Variants in ZDHHC8 observed in about 807,000 individuals in gnomAD.
ZDHHC8 encodes the protein zDHHC palmitoyltransferase 8.
Under a neutral mutation model 61.2 loss-of-function variants are expected in ZDHHC8, and 24 were observed. That is an observed-to-expected ratio of 0.39 (90% confidence interval 0.28 to 0.55). ZDHHC8 has a LOEUF of 0.55. ZDHHC8 is among the 20% of genes least tolerant of loss of function. ZDHHC8 has a pLI of 0.60. For synonymous variants in ZDHHC8, 523 were observed against 492.5 expected (o/e 1.06, Z -0.82); for missense variants, 935 against 1,102.1 (o/e 0.85, Z 2.15).
In ZDHHC8 at chr22:20,143,121, A is replaced by C. The variant is rs1161045350; in HGVS notation, c.1491A>C (p.Pro497=). 1 of 1,611,902 alleles carries C rather than the reference A, an allele frequency of 6.2e-7. No homozygotes were observed. The highest frequency in any genetic ancestry group is 1.7e-5 in the Admixed American group (1 of 60,008). The change falls in exon 10 of 11, where the codon CCA becomes CCC. Residue 497 remains proline (P), a synonymous_variant. Transcript: ENST00000334554. ...SPGGHACPAH[P]AVGVAGYHSP... ...GTGGCCACGCCTGCCCTGCCCACCC[A>C]GCAGTTGGCGTGGCCGGATACCACT...
chr22:20,145,116 C>A, intron 10 of ZDHHC8, 113 bp from the exon 11 acceptor site: 1 of 1,038,928 alleles, frequency 9.6e-7, no homozygotes, highest in Non-Finnish European at 1.3e-6. Context: ...CCCCACAACT[C>A]GGCTGCACTA....
chr22:20,141,022 T>G lies in ZDHHC8; in HGVS notation c.894+10T>G. Reference sequence around the variant, plus strand: ...CCTGGGCCGTAGCAAGGTGGGCGCCTGGGCTTAGGGATGGGCTGGCAGTCA... The same window carrying G: ...CCTGGGCCGTAGCAAGGTGGGCGCCGGGGCTTAGGGATGGGCTGGCAGTCA... On this transcript the variant is annotated intron_variant, in intron 7 of 10. Transcript: ENST00000334554. The G allele has an allele frequency of 6.2e-7, 1 of 1,610,178 alleles. No individual in the cohort carries two copies. The highest frequency in any genetic ancestry group is 8.5e-7 in the Non-Finnish European group (1 of 1,179,880).
Position 20,147,011 on chromosome 22 carries a change from C to T in ZDHHC8, c.*1611C>T, listed in dbSNP as rs1161469578. ...TTCTGCTTCTCTCTCACGGACGCCGCGGCCCGCAGGGGGCGGATTGGCACC... is the reference window on the plus strand; with the variant it reads ...TTCTGCTTCTCTCTCACGGACGCCGTGGCCCGCAGGGGGCGGATTGGCACC... On this transcript the variant is annotated 3_prime_UTR_variant, in exon 11 of 11. Coordinates refer to ENST00000334554, the MANE Select transcript of ZDHHC8 (RefSeq NM_013373.4). 6 of 1,401,730 alleles carry T rather than the reference C, an allele frequency of 4.3e-6. No individual in the cohort carries two copies. Among genetic ancestry groups the T allele is most frequent in the East Asian group, 2.9e-5 (1 of 33,910 alleles). 86.8% of individuals were successfully genotyped at this position (1,401,730 alleles called of 1,614,324 possible). A position where few individuals can be genotyped will look rare whatever the true frequency, so the allele number is the denominator to read the frequency against.
chr22:20,138,372 G>T (rs2050439119), intron 1 of ZDHHC8, among the ~76,000 whole-genome samples: 1 of 152,256 alleles, frequency 6.6e-6, no homozygotes, highest in African/African-American at 2.4e-5. Flanking sequence ...GTGGATTTAG[G>T]AACCCGCTGC....
At position 20,141,542 on chromosome 22, in the gene ZDHHC8, T is replaced by A; in HGVS notation, c.1125+12T>A. 1.2e-6 allele frequency: 2 copies of A among 1,602,512 alleles called. No homozygotes were observed. Among genetic ancestry groups the A allele is most frequent in the Non-Finnish European group, 1.7e-6 (2 of 1,174,914 alleles). ...GACCAGGCGAGCAGGTAAGGAGGCC[T>A]AGCCTGCCCCCTGGCAGGCCTCGTC... is the stretch of plus-strand genomic sequence containing the variant. On this transcript the variant is annotated intron_variant, in intron 9 of 10. Coordinates refer to ENST00000334554, the MANE Select transcript of ZDHHC8 (RefSeq NM_013373.4).
chr22:20,145,238 T>G lies in ZDHHC8; in HGVS notation c.2136T>G (p.Pro712=), dbSNP rs1446989319. 2 of 1,495,978 alleles carry G rather than the reference T, an allele frequency of 1.3e-6. No homozygotes were observed. The highest frequency in any genetic ancestry group is 4.7e-5 in the Admixed American group (2 of 42,740). 92.7% of individuals were successfully genotyped at this position (1,495,978 alleles called of 1,614,324 possible). The change falls in exon 11 of 11, where the codon CCT becomes CCG. Residue 712 remains proline, a synonymous_variant. Coordinates refer to ENST00000334554, the MANE Select transcript of ZDHHC8 (RefSeq NM_013373.4). ...GCTTGTTTTGATGCAGGGACCACCC[T>G]CAGCTGAAGACTCCCCCAAGTAAGC... is the stretch of plus-strand genomic sequence containing the variant. The part of the protein sequence containing the change: ...PPSLTVQRDH[P]QLKTPPSKLN...
At chr22:20,139,673 GC>G in intron 3 of ZDHHC8, 38 bp downstream of exon 3, 1 of 1,611,138 alleles carries the variant, frequency 6.2e-7, no homozygotes, top group Non-Finnish European at 8.5e-7. Flanking sequence ...CCAGCCCTGT[GC>G]CACATCCCTG....
At chr22:20,139,358 G>A (rs1339750677) in intron 2 of ZDHHC8, 43 bp downstream of exon 2, 1 of 1,607,984 alleles carries the variant, frequency 6.2e-7, no homozygotes, top group Non-Finnish European at 8.5e-7. Flanking sequence ...TTTCACTAGA[G>A]TGTGAGTGGC....
Position 20,146,145 on chromosome 22 carries a change from G to A in ZDHHC8, c.*745G>A. On this transcript the variant is annotated 3_prime_UTR_variant, in exon 11 of 11. Transcript: ENST00000334554. ...ATGCTCTTGTGGGAGGCGACGGGGG[G>A]GCAGGCGGGAGCAGGCACGGGGGTG... 1.0e-6 allele frequency: 1 copy of A among 985,666 alleles called. No homozygotes were observed. Among genetic ancestry groups the A allele is most frequent in the South Asian group, 4.7e-5 (1 of 21,292 alleles). The allele number at this position is 985,666 out of a possible 1,614,324, so 61.1% of individuals were successfully genotyped here.
chr22:20,139,521 G>A lies in ZDHHC8; in HGVS notation c.270G>A (p.Leu90=). ...AGGAGGACGACTTCCGGGCTCCGCT[G>A]TACAAGAACGTGGATGTGCGAGGTA... ...EDKEDDFRAP[L]YKNVDVRGIQ... Residue 90 remains leucine, a synonymous_variant, in exon 3 of 11, where the codon CTG becomes CTA. Transcript: ENST00000334554. 6.2e-7 allele frequency: 1 copy of A among 1,613,610 alleles called. No individual in the cohort carries two copies. Among genetic ancestry groups the A allele is most frequent in the Non-Finnish European group, 8.5e-7 (1 of 1,180,008 alleles).
chr22:20,138,223 T>C (rs2148004952), intron 1 of ZDHHC8, among the ~76,000 whole-genome samples: 1 of 152,352 alleles, frequency 6.6e-6, no homozygotes, highest in East Asian at 1.9e-4. Flanking sequence ...GCCCCCCGAC[T>C]ATGCAGAGGG....
intron 1 of ZDHHC8, among the ~76,000 whole-genome samples, chr22:20,133,661 G>A (rs928460546): frequency 4.6e-4 from 70 of 151,228 alleles, no homozygotes; most frequent in African/African-American, 1.2e-3. Flanking sequence ...CCCGTAAGGC[G>A]GAGTGAGCCG....
At chr22:20,134,618 G>A (rs574439636) in intron 1 of ZDHHC8, among the ~76,000 whole-genome samples, 22 of 152,366 alleles carry the variant, frequency 1.4e-4, no homozygotes, top group Middle Eastern at 6.8e-3. Context: ...ACCAGACAGT[G>A]AGTGGCCCCA....
In ZDHHC8 at chr22:20,145,409, T is replaced by C. The variant is rs371703620; in HGVS notation, c.*9T>C. The C allele has an allele frequency of 9.8e-5, 147 of 1,507,432 alleles. No individual in the cohort carries two copies. In the African/African-American group the frequency reaches 1.5e-3, roughly 16 times the overall value. 93.4% of individuals were successfully genotyped at this position (1,507,432 alleles called of 1,614,324 possible). A position where few individuals can be genotyped will look rare whatever the true frequency, so the allele number is the denominator to read the frequency against. ...ACGAGATCTCGGTGTGAGGACTGAC[T>C]GCCACACATCCGCCATGGTGCCACG... On this transcript the variant is annotated 3_prime_UTR_variant, in exon 11 of 11. Coordinates refer to ENST00000334554, the MANE Select transcript of ZDHHC8 (RefSeq NM_013373.4).
At position 20,132,667 on chromosome 22, in the gene ZDHHC8, C is replaced by T. The variant is rs151300527; in HGVS notation, c.104+616C>T. 3.7e-4 allele frequency among the ~76,000 whole-genome samples: 56 copies of T among 152,362 alleles called. No individual in the cohort carries two copies. In the East Asian group the frequency reaches 0.011, roughly 29 times the overall value. ...AGGGCCCGATGTTAGCACATCACCTCCGTGGGCTGGCCATGGTGCACACCA... is the reference window on the plus strand; with the variant it reads ...AGGGCCCGATGTTAGCACATCACCTTCGTGGGCTGGCCATGGTGCACACCA... On this transcript the variant is annotated intron_variant, in intron 1 of 10. Transcript: ENST00000334554.
In ZDHHC8 at chr22:20,141,320, C is replaced by T. The variant is rs775446136; in HGVS notation, c.998C>T (p.Pro333Leu). Residue 333 changes from proline to leucine, a missense_variant, in exon 8 of 11, where the codon CCG (proline) becomes CTG (leucine). Pro to Leu is a moderately conservative substitution (Grantham distance 98). Transcript: ENST00000334554. Reference protein sequence around the residue: ...AGTFSSDLQTPRPGSAESALS... With the variant: ...AGTFSSDLQTLRPGSAESALS... ...ACGTTCAGCAGTGACCTGCAGACCC[C>T]GCGCCCAGGCAGTGCTGGTGAGGTT... The T allele has an allele frequency of 1.2e-5, 19 of 1,612,406 alleles. No homozygotes were observed. Among genetic ancestry groups the T allele is most frequent in the East Asian group, 2.2e-5 (1 of 44,898 alleles).
intron 1 of ZDHHC8, among the ~76,000 whole-genome samples, chr22:20,135,026 G>A (rs539835247): frequency 2.6e-5 from 4 of 152,232 alleles, no homozygotes; most frequent in Admixed American, 2.6e-4. Context: ...CGACCTCCTG[G>A]GCGCAAGTGA....
Position 20,143,362 on chromosome 22 carries a change from G to A in ZDHHC8, c.1732G>A (p.Val578Ile), listed in dbSNP as rs145467798. ...CGACTCACTCTTCGGCGACTCAGGC[G>A]TCTATGACGCTCCCAGCTCCTACAG... ...QADSLFGDSGVYDAPSSYSLQ... is the reference protein window; with the variant it reads ...QADSLFGDSGIYDAPSSYSLQ... Residue 578 changes from valine (V) to isoleucine (I), a missense_variant, in exon 10 of 11, where the codon GTC becomes ATC. Physicochemically the swap from Val to Ile is conservative, Grantham distance 29 (BLOSUM62 3). Coordinates refer to ENST00000334554, the MANE Select transcript of ZDHHC8 (RefSeq NM_013373.4). 1,565 of 1,585,082 alleles carry A rather than the reference G, an allele frequency of 9.9e-4. No homozygotes were observed. Among genetic ancestry groups the A allele is most frequent in the Non-Finnish European group, 1.3e-3 (1,465 of 1,169,078 alleles).
rs1303027883 is a variant in ZDHHC8 at position 20,131,889 on chromosome 22, A to G, written c.-59A>G. ...AGCCCGCCCGCCCGACCCCGGCCCG[A>G]CCCCGGCCGGCCCTGCCCGCCCGGC... On this transcript the variant is annotated 5_prime_UTR_variant, in exon 1 of 11. Coordinates refer to ENST00000334554, the MANE Select transcript of ZDHHC8 (RefSeq NM_013373.4). The G allele has an allele frequency of 5.7e-6, 2 of 348,958 alleles. No individual in the cohort carries two copies. Among genetic ancestry groups the G allele is most frequent in the Non-Finnish European group, 8.0e-6 (2 of 251,492 alleles). The allele number at this position is 348,958 out of a possible 1,614,324, so 21.6% of individuals were successfully genotyped here.
Sources: gnomAD v4.1 joint callset for allele counts (sites outside exome capture counted in the v4.1 genomes callset) on GRCh38, gnomAD v4.1.1 for gene constraint, MANE v1.5 for transcripts, NCBI Gene and HGNC (gene_info 2026-07-23, HGNC 2026-07-21) for gene names.